GRIP1: variants seen among roughly 807,000 people sequenced by gnomAD.
GRIP1 encodes glutamate receptor-interacting protein 1.
In GRIP1, 45 loss-of-function variants were observed where a neutral mutation model predicts 129.9. That is an observed-to-expected ratio of 0.35 (90% CI 0.27 to 0.44). GRIP1 has a LOEUF of 0.44. Ranked by LOEUF, GRIP1 falls within the 20% of genes least tolerant of loss-of-function variation. The pLI is 1.00. For missense variants in GRIP1, 1,196 were observed against 1,396.8 expected (o/e 0.86, Z 2.29); for synonymous variants, 530 against 520.8 (o/e 1.02, Z -0.24).
chr12:66,592,631 G>C (rs1486867350), intron 2 of GRIP1, among the ~76,000 whole-genome samples: 4 of 152,144 alleles, frequency 2.6e-5, no homozygotes, highest in Non-Finnish European at 4.4e-5. Context: ...GAAAGAGGAG[G>C]CAAGTCAAAT....
chr12:66,445,870 T>C (rs980377298), intron 11 of GRIP1, among the ~76,000 whole-genome samples: 5 of 152,198 alleles, frequency 3.3e-5, no homozygotes, highest in Non-Finnish European at 7.3e-5. Context: ...TGTGTGTCTA[T>C]ATCCTATCTA....
At chr12:67,048,478 A>T (rs1430450484) in intron 1 of GRIP1, among the ~76,000 whole-genome samples, 1 of 151,212 alleles carries the variant, frequency 6.6e-6, no homozygotes, top group Non-Finnish European at 1.5e-5. Context: ...TTTTTTTTTT[A>T]AAGATGAAGT....
intron 1 of GRIP1, among the ~76,000 whole-genome samples, chr12:66,785,753 G>C (rs1443835705): frequency 6.6e-6 from 1 of 151,956 alleles, no homozygotes. Context: ...TAATAACTTG[G>C]ATTATCAGAC....
chr12:66,956,273 T>C (rs531517933), intron 1 of GRIP1, among the ~76,000 whole-genome samples: 21 of 152,322 alleles, frequency 1.4e-4, no homozygotes, highest in African/African-American at 5.1e-4. Flanking sequence ...GATCAGGTAT[T>C]CCACTGGAGG....
chr12:66,361,683 G>GC (rs1386268122), intron 23 of GRIP1, among the ~76,000 whole-genome samples: 3 of 152,158 alleles, frequency 2.0e-5, no homozygotes, highest in African/African-American at 7.2e-5. Flanking sequence ...CCCTGTTGCG[G>GC]GTGTCTTTGC....
chr12:66,609,225 A>G (rs982265055), intron 1 of GRIP1, among the ~76,000 whole-genome samples: 1 of 152,010 alleles, frequency 6.6e-6, no homozygotes, highest in African/African-American at 2.4e-5. Context: ...CCTTTTCCCA[A>G]TGTCGCCACA....
At chr12:66,416,539 G>C (rs1299930963) in intron 15 of GRIP1, among the ~76,000 whole-genome samples, 2 of 152,128 alleles carry the variant, frequency 1.3e-5, no homozygotes, top group East Asian at 3.9e-4. Flanking sequence ...AAAAGGAGAA[G>C]ACCCAACTAA....
At chr12:66,848,668 T>C (rs918614706) in intron 1 of GRIP1, among the ~76,000 whole-genome samples, 4 of 152,184 alleles carry the variant, frequency 2.6e-5, no homozygotes, top group Non-Finnish European at 5.9e-5. Flanking sequence ...TAAAACCTAA[T>C]TCACTGCATT....
chr12:66,474,971 C>T (rs1465959814), intron 7 of GRIP1, among the ~76,000 whole-genome samples: 1 of 152,002 alleles, frequency 6.6e-6, no homozygotes, highest in Non-Finnish European at 1.5e-5. Flanking sequence ...CAAATTCACA[C>T]ATAACAATAT....
intron 2 of GRIP1, among the ~76,000 whole-genome samples, chr12:66,584,293 A>T (rs1265480311): frequency 1.5e-3 from 215 of 143,114 alleles, no homozygotes; most frequent in Admixed American, 2.7e-3. Flanking sequence ...GCATTGGGAG[A>T]TATACCTAAT....
At chr12:66,365,036 T>C (rs1201251862) in intron 23 of GRIP1, among the ~76,000 whole-genome samples, 1 of 152,184 alleles carries the variant, frequency 6.6e-6, no homozygotes, top group African/African-American at 2.4e-5. Flanking sequence ...TGCTAATTAC[T>C]CATGTATAGA....
At position 66,432,634 on chromosome 12, in the gene GRIP1, A is replaced by G. The variant is rs111776176; in HGVS notation, c.1688-6T>C. 635 of 1,549,076 alleles carry G rather than the reference A, an allele frequency of 4.1e-4. No individual in the cohort carries two copies. Among genetic ancestry groups the G allele is most frequent in the Non-Finnish European group, 5.3e-4 (597 of 1,122,212 alleles). ...ACTACTTGGGATGACAGACTCTAAT[A>G]TCAAAACAAAAAAGAATGTGTTAAT... On this transcript the variant is annotated splice_region_variant and splice_polypyrimidine_tract_variant and intron_variant, in intron 13 of 24. Coordinates refer to ENST00000359742, the MANE Select transcript of GRIP1 (RefSeq NM_001366722.1).
In GRIP1 at chr12:66,541,712, C is replaced by T. The variant is rs1284654660; in HGVS notation, c.272+103G>A. On this transcript the variant is annotated intron_variant, in intron 3 of 24. Transcript: ENST00000359742. ...CTGGCCTGTGCTGCCTGGCAGATGGCAGCTGTCATTTATTTATTAGTGACC... is the reference window on the plus strand; with the variant it reads ...CTGGCCTGTGCTGCCTGGCAGATGGTAGCTGTCATTTATTTATTAGTGACC... 5 of 1,194,702 alleles carry T rather than the reference C, an allele frequency of 4.2e-6. No individual in the cohort carries two copies. The African/African-American group carries it at 4.5e-5, about 11-fold the overall frequency. The allele number at this position is 1,194,702 out of a possible 1,614,324, so 74.0% of individuals were successfully genotyped here. A position where few individuals can be genotyped will look rare whatever the true frequency, so the allele number is the denominator to read the frequency against.
intron 14 of GRIP1, among the ~76,000 whole-genome samples, chr12:66,423,513 TTGAA>T (rs1451716302): frequency 3.9e-5 from 6 of 152,340 alleles, no homozygotes; most frequent in Non-Finnish European, 8.8e-5. Flanking sequence ...TTGTGACCCT[TTGAA>T]TGAGAATACA....
chr12:66,744,364 G>A (rs2036880875), intron 1 of GRIP1, among the ~76,000 whole-genome samples: 1 of 151,930 alleles, frequency 6.6e-6, no homozygotes. Flanking sequence ...TTATTAGCCT[G>A]CTCTTTTTAG....
At chr12:66,932,867 C>T (rs935003325) in intron 1 of GRIP1, among the ~76,000 whole-genome samples, 1 of 152,034 alleles carries the variant, frequency 6.6e-6, no homozygotes, top group East Asian at 1.9e-4. Flanking sequence ...CAGGGTTTCA[C>T]CATCTTGGCC....
chr12:66,829,997 C>A (rs2039488489), intron 1 of GRIP1, among the ~76,000 whole-genome samples: 1 of 152,154 alleles, frequency 6.6e-6, no homozygotes, highest in Non-Finnish European at 1.5e-5. Context: ...ATTTCCCAAG[C>A]CCATGAGCTT....
chr12:66,910,531 T>C (rs80247799), intron 1 of GRIP1, among the ~76,000 whole-genome samples: 6,402 of 151,960 alleles, frequency 0.042, 288 homozygotes, highest in African/African-American at 0.11. Flanking sequence ...GTGTCAGTCA[T>C]ACAACCTTTC....
intron 2 of GRIP1, among the ~76,000 whole-genome samples, chr12:66,586,605 TC>T (rs1226447103): frequency 6.6e-6 from 1 of 152,182 alleles, no homozygotes; most frequent in African/African-American, 2.4e-5. Flanking sequence ...GTTCCACTGA[TC>T]CATTTCTTCC....
Sources: allele counts gnomAD v4.1 joint callset (sites outside exome capture counted in the v4.1 genomes callset), GRCh38; gene constraint gnomAD v4.1.1; transcripts MANE v1.5; gene names NCBI Gene and HGNC (gene_info 2026-07-23, HGNC 2026-07-21).